NBEA: variants seen among roughly 807,000 people sequenced by gnomAD.
NBEA encodes the protein lysosomal-trafficking regulator 2.
In NBEA, 44 loss-of-function variants were observed where a neutral mutation model predicts 343.4. That is an observed-to-expected ratio of 0.13 (90% CI 0.10 to 0.16). NBEA has a LOEUF of 0.16. Among genes scored for constraint, NBEA ranks in the 10% least tolerant of loss-of-function variants. NBEA has a pLI of 1.00. For synonymous variants in NBEA, 1,175 were observed against 1,238.7 expected (o/e 0.95, Z 1.08); for missense variants, 2,555 against 3,631.3 (o/e 0.70, Z 7.62).
chr13:35,663,428 T>G (rs1292711592), intron 55 of NBEA, among the ~76,000 whole-genome samples: 1 of 152,244 alleles, frequency 6.6e-6, no homozygotes, highest in Admixed American at 6.5e-5. Flanking sequence ...CCATCTATGT[T>G]GTTGCAAATG....
intron 36 of NBEA, among the ~76,000 whole-genome samples, chr13:35,332,948 G>T (rs1405706128): frequency 6.6e-6 from 1 of 152,070 alleles, no homozygotes; most frequent in Non-Finnish European, 1.5e-5. Flanking sequence ...AATTCCCTCA[G>T]TATATGCCTA....
chr13:35,308,183 G>A (rs547234880), intron 35 of NBEA, among the ~76,000 whole-genome samples: 1 of 151,576 alleles, frequency 6.6e-6, no homozygotes, highest in South Asian at 2.1e-4. Flanking sequence ...TAAAGGGAAA[G>A]GGATCAGGAG....
chr13:35,010,782 G>A (rs1479774985), intron 1 of NBEA, among the ~76,000 whole-genome samples: 1 of 124,464 alleles, frequency 8.0e-6, no homozygotes, highest in African/African-American at 3.3e-5. Flanking sequence ...ATATATATAA[G>A]CTGGGTGTGG....
At chr13:35,614,853 C>A (rs2082666514) in intron 48 of NBEA, among the ~76,000 whole-genome samples, 1 of 151,996 alleles carries the variant, frequency 6.6e-6, no homozygotes, top group Non-Finnish European at 1.5e-5. Context: ...GAATGGATAC[C>A]CTAATCTTAG....
intron 45 of NBEA, among the ~76,000 whole-genome samples, chr13:35,583,150 G>A (rs946732194): frequency 2.0e-5 from 3 of 152,116 alleles, no homozygotes; most frequent in Non-Finnish European, 4.4e-5. Context: ...TCATGAAGAT[G>A]GTATGCTGGA....
At position 35,671,826 on chromosome 13, in the gene NBEA, C is replaced by T. The variant is rs184722321; in HGVS notation, c.*835C>T. 5 of 152,678 alleles carry T rather than the reference C, an allele frequency of 3.3e-5. No individual in the cohort carries two copies. The East Asian group carries it at 9.7e-4, about 29-fold the overall frequency. 9.5% of individuals were successfully genotyped at this position (152,678 alleles called of 1,614,324 possible). ...CAGAAAGGGGGCTTAGGGATGAGGTCCTGGTTTTTCTTGTATAAATAGGAG... is the reference window on the plus strand; with the variant it reads ...CAGAAAGGGGGCTTAGGGATGAGGTTCTGGTTTTTCTTGTATAAATAGGAG... On this transcript the variant is annotated 3_prime_UTR_variant, in exon 59 of 59. Transcript: ENST00000379939.
At position 35,628,187 on chromosome 13, in the gene NBEA, A is replaced by G; in HGVS notation, c.7556A>G (p.His2519Arg). Residue 2519 changes from histidine (H) to arginine (R), a missense_variant, in exon 49 of 59, where the codon CAC becomes CGC. Transcript: ENST00000379939. ...PEAVRALNVF[H>R]YLTYEGSVNL... ...GCAGTTCGTGCTCTGAATGTTTTTC[A>G]CTACTTGACTTATGAAGGCTCTGTG... 6.2e-7 allele frequency: 1 copy of G among 1,613,266 alleles called. No individual in the cohort carries two copies. Among genetic ancestry groups the G allele is most frequent in the Non-Finnish European group, 8.5e-7 (1 of 1,179,502 alleles).
At position 35,083,507 on chromosome 13, in the gene NBEA, C is replaced by CT. The variant is rs2064543457; in HGVS notation, c.1571+12656dup. ...ACCCAGAACTTCATATCCAGCCAAA[C>CT]TAAGCTTCATAATTGAAGGAGTAAT... On this transcript the variant is annotated intron_variant, in intron 10 of 58. Transcript: ENST00000379939. Among the ~76,000 whole-genome samples the CT allele has an allele frequency of 4.6e-5, 7 of 152,216 alleles. No homozygotes were observed. The South Asian group carries it at 1.4e-3, about 32-fold the overall frequency.
Position 35,239,064 on chromosome 13 carries a change from A to G in NBEA, c.5776+6445A>G, listed in dbSNP as rs147724642. ...TCAGAATTATTGTTTTTAAATTACA[A>G]TAATACAAAAAAATGTACACAAGAA... On this transcript the variant is annotated intron_variant, in intron 34 of 58. Transcript: ENST00000379939. Among the ~76,000 whole-genome samples the G allele has an allele frequency of 3.9e-5, 6 of 152,292 alleles. No individual in the cohort carries two copies. In the East Asian group the frequency reaches 5.8e-4, roughly 15 times the overall value.
intron 17 of NBEA, among the ~76,000 whole-genome samples, chr13:35,131,610 T>TC (rs1336525284): frequency 4.6e-5 from 7 of 152,158 alleles, no homozygotes; most frequent in Non-Finnish European, 8.8e-5. Context: ...GTTAGAAGCA[T>TC]CCCCTTTGAA....
In NBEA at chr13:35,225,278, G is replaced by A. The variant is rs113805119; in HGVS notation, c.5649-7214G>A. Among the ~76,000 whole-genome samples the A allele has an allele frequency of 6.7e-3, 1,022 of 152,198 alleles. 10 individuals are homozygous for A. Among genetic ancestry groups the A allele is most frequent in the African/African-American group, 0.024 (983 of 41,524 alleles). On this transcript the variant is annotated intron_variant, in intron 33 of 58. Transcript: ENST00000379939. ...TGTATTTCTACATGATTGGGGATCT[G>A]TAAATTTCAGGACTCAGAACGTTTC...
Position 35,398,280 on chromosome 13 carries a change from G to A in NBEA, c.6180-33989G>A, listed in dbSNP as rs12868883. On this transcript the variant is annotated intron_variant, in intron 38 of 58. Transcript: ENST00000379939. Reference sequence around the variant, plus strand: ...CCACTGAAATCTTTAATTCCTGAAAGTCATCCATGAAGGTTGAAATTAGCT... The same window carrying A: ...CCACTGAAATCTTTAATTCCTGAAAATCATCCATGAAGGTTGAAATTAGCT... 2.5e-3 allele frequency among the ~76,000 whole-genome samples: 388 copies of A among 152,178 alleles called. 3 individuals carry two copies. The highest frequency in any genetic ancestry group is 3.5e-3 in the Non-Finnish European group (238 of 67,994).
rs1371813608 is a variant in NBEA at position 35,581,632 on chromosome 13, G to A, written c.7036-2266G>A. ...ATCATTCTCAGTAAACTATCGCAAGGAGAAAAAACCAAACACCACATATTC... is the reference window on the plus strand; with the variant it reads ...ATCATTCTCAGTAAACTATCGCAAGAAGAAAAAACCAAACACCACATATTC... On this transcript the variant is annotated intron_variant, in intron 45 of 58. Coordinates refer to ENST00000379939, the MANE Select transcript of NBEA (RefSeq NM_001385012.1). 1.4e-3 allele frequency among the ~76,000 whole-genome samples: 214 copies of A among 148,970 alleles called. 1 individual carries two copies. Among genetic ancestry groups the A allele is most frequent in the African/African-American group, 5.0e-3 (200 of 40,360 alleles).
intron 31 of NBEA, among the ~76,000 whole-genome samples, chr13:35,205,101 A>G (rs1266742927): frequency 6.6e-6 from 1 of 152,194 alleles, no homozygotes; most frequent in Non-Finnish European, 1.5e-5. Flanking sequence ...GCTAAGAAAG[A>G]GAATGGTTTG....
chr13:35,134,296 GC>G (rs752562573), intron 17 of NBEA, among the ~76,000 whole-genome samples: 3 of 151,422 alleles, frequency 2.0e-5, no homozygotes, highest in Non-Finnish European at 4.4e-5. Context: ...ATAAAACTTG[GC>G]TCAACAGATA....
At chr13:35,562,806 ATGC>A (rs1191412168) in intron 44 of NBEA, among the ~76,000 whole-genome samples, 1 of 152,070 alleles carries the variant, frequency 6.6e-6, no homozygotes, top group Non-Finnish European at 1.5e-5. Context: ...GTTAATCCAG[ATGC>A]TGCCATCATC....
intron 41 of NBEA, among the ~76,000 whole-genome samples, chr13:35,547,868 A>G (rs2079132380): frequency 6.6e-6 from 1 of 152,098 alleles, no homozygotes; most frequent in African/African-American, 2.4e-5. Context: ...CAGTCTGGGT[A>G]ACAGAGTGAA....
chr13:35,570,848 T>A (rs1275486704), intron 45 of NBEA, among the ~76,000 whole-genome samples: 1 of 152,170 alleles, frequency 6.6e-6, no homozygotes, highest in Non-Finnish European at 1.5e-5. Context: ...TGAAGTATAA[T>A]AATATAATTG....
chr13:35,094,496 C>G (rs756549847), intron 10 of NBEA, among the ~76,000 whole-genome samples: 4 of 152,026 alleles, frequency 2.6e-5, no homozygotes, highest in Admixed American at 6.6e-5. Context: ...CTAAATATAC[C>G]TGGAGTTAGA....
Sources: gnomAD v4.1 joint callset for allele counts (sites outside exome capture counted in the v4.1 genomes callset) on GRCh38, gnomAD v4.1.1 for gene constraint, MANE v1.5 for transcripts, NCBI Gene and HGNC (gene_info 2026-07-23, HGNC 2026-07-21) for gene names.